Variants in HS6ST3 observed in about 807,000 individuals in gnomAD.
HS6ST3 encodes heparan-sulfate 6-O-sulfotransferase 3.
In HS6ST3, 12 loss-of-function variants were observed where a neutral mutation model predicts 36.7. The observed-to-expected ratio is 0.33, with a 90% CI of 0.21 to 0.53. The LOEUF (loss-of-function observed/expected upper bound fraction) is 0.53, where lower values mean the gene tolerates loss of function less well. Among genes scored for constraint, HS6ST3 ranks in the 20% least tolerant of loss-of-function variants. HS6ST3 has a pLI of 0.95. For synonymous variants in HS6ST3, 240 were observed against 257.5 expected, an observed-to-expected ratio of 0.93 and a Z score of 0.65; for missense variants, 584 against 640.9, an observed-to-expected ratio of 0.91 and a Z score of 0.96.
At chr13:96,789,774 C>A (rs1207959534) in intron 1 of HS6ST3, among the ~76,000 whole-genome samples, 1 of 151,512 alleles carries the variant, frequency 6.6e-6, no homozygotes, top group South Asian at 2.1e-4. Context: ...AAAAAAAAAC[C>A]CAGCCATTTC....
At chr13:96,711,300 A>G (rs1256600228) in intron 1 of HS6ST3, among the ~76,000 whole-genome samples, 1 of 152,222 alleles carries the variant, frequency 6.6e-6, no homozygotes, top group Non-Finnish European at 1.5e-5. Context: ...CCCAGCAGTC[A>G]TAGAACTATT....
intron 1 of HS6ST3, among the ~76,000 whole-genome samples, chr13:96,125,417 T>C (rs137930649): frequency 0.02 from 3,054 of 152,314 alleles, 87 homozygotes; most frequent in African/African-American, 0.068. Flanking sequence ...ATTTATTGCA[T>C]TGATCTTAAC....
Position 96,193,708 on chromosome 13 carries a change from C to G in HS6ST3, c.707+102139C>G, listed in dbSNP as rs187328283. On this transcript the variant is annotated intron_variant, in intron 1 of 1. Coordinates refer to ENST00000376705, the MANE Select transcript of HS6ST3 (RefSeq NM_153456.4). ...TAGGCTGAAAACAATAATGATCTAG[C>G]CTATGTCTTAAGAGTTGGCAGTTGC... 1.5e-3 allele frequency among the ~76,000 whole-genome samples: 235 copies of G among 152,230 alleles called. 1 individual carries two copies. The highest frequency in any genetic ancestry group is 4.4e-3 in the Admixed American group (68 of 15,282).
intron 1 of HS6ST3, among the ~76,000 whole-genome samples, chr13:96,443,566 C>T (rs1224362758): frequency 2.0e-5 from 3 of 149,032 alleles, no homozygotes; most frequent in African/African-American, 7.4e-5. Context: ...TAAAATGTAG[C>T]CTAATTTTGA....
At chr13:96,189,956 C>T (rs1281226190) in intron 1 of HS6ST3, among the ~76,000 whole-genome samples, 1 of 152,048 alleles carries the variant, frequency 6.6e-6, no homozygotes, top group East Asian at 1.9e-4. Context: ...GCAGCCCACC[C>T]CACATTGACT....
chr13:96,614,486 C>T (rs931359341), intron 1 of HS6ST3, among the ~76,000 whole-genome samples: 6 of 151,660 alleles, frequency 4.0e-5, no homozygotes, highest in African/African-American at 1.2e-4. Context: ...AAAATAGGGC[C>T]AAGGGTGTTG....
intron 1 of HS6ST3, among the ~76,000 whole-genome samples, chr13:96,346,582 AT>A (rs67559640): frequency 0.35 from 50,175 of 141,866 alleles, 9,754 homozygotes; most frequent in Non-Finnish European, 0.45. Context: ...CAAAAAAAAA[AT>A]AATAATAATA....
intron 1 of HS6ST3, among the ~76,000 whole-genome samples, chr13:96,698,947 A>G (rs549876491): frequency 6.6e-5 from 10 of 152,304 alleles, no homozygotes; most frequent in South Asian, 2.1e-4. Flanking sequence ...ATAATGCTGC[A>G]TATCTACAAC....
chr13:96,262,415 G>A lies in HS6ST3; in HGVS notation c.707+170846G>A, dbSNP rs371011184. On this transcript the variant is annotated intron_variant, in intron 1 of 1. Transcript: ENST00000376705. ...GGTGGATATTTCTGTCTTCTGTGAC[G>A]TATGTGTCTGAGGATAGCATGTGTC... is the stretch of plus-strand genomic sequence containing the variant. 1.1e-4 allele frequency among the ~76,000 whole-genome samples: 16 copies of A among 152,268 alleles called. No homozygotes were observed. In the South Asian group the frequency reaches 1.9e-3, roughly 18 times the overall value.
At chr13:96,418,788 C>G (rs2055547761) in intron 1 of HS6ST3, among the ~76,000 whole-genome samples, 1 of 152,152 alleles carries the variant, frequency 6.6e-6, no homozygotes, top group South Asian at 2.1e-4. Flanking sequence ...GTAACAGGGC[C>G]ACGCTCTCTG....
intron 1 of HS6ST3, among the ~76,000 whole-genome samples, chr13:96,568,303 G>A (rs1383962099): frequency 1.3e-5 from 2 of 152,072 alleles, no homozygotes; most frequent in African/African-American, 4.8e-5. Flanking sequence ...GTCTTGCTCT[G>A]TCACCCAGGC....
intron 1 of HS6ST3, among the ~76,000 whole-genome samples, chr13:96,291,309 G>T (rs2054828708): frequency 6.6e-6 from 1 of 152,072 alleles, no homozygotes; most frequent in African/African-American, 2.4e-5. Context: ...CAATAATAAG[G>T]CCTGGATTCT....
rs560821044 is a variant in HS6ST3 at position 96,607,327 on chromosome 13, C to T, written c.708-225163C>T. 4.6e-5 allele frequency among the ~76,000 whole-genome samples: 7 copies of T among 152,234 alleles called. No individual in the cohort carries two copies. The South Asian group carries it at 1.2e-3, about 27-fold the overall frequency. On this transcript the variant is annotated intron_variant, in intron 1 of 1. Transcript: ENST00000376705. ...GTAAGATACTCAAGGGAAAAACACA[C>T]GAGACATGGATTTTATTTCCAGAAA... is the stretch of plus-strand genomic sequence containing the variant.
intron 1 of HS6ST3, among the ~76,000 whole-genome samples, chr13:96,466,506 A>G (rs9513148): frequency 0.2 from 30,782 of 152,086 alleles, 3,374 homozygotes; most frequent in African/African-American, 0.29. Flanking sequence ...TTGGTTCCAC[A>G]TGTAACTGAA....
intron 1 of HS6ST3, among the ~76,000 whole-genome samples, chr13:96,735,298 G>A (rs75921994): frequency 6.6e-6 from 1 of 152,162 alleles, no homozygotes; most frequent in Non-Finnish European, 1.5e-5. Flanking sequence ...AAGAGTTTAT[G>A]TGTTTTGCAT....
At chr13:96,754,784 T>A (rs1016202771) in intron 1 of HS6ST3, among the ~76,000 whole-genome samples, 3 of 152,188 alleles carry the variant, frequency 2.0e-5, no homozygotes, top group African/African-American at 7.2e-5. Flanking sequence ...CTCCTTTCTT[T>A]GAGATTGTTT....
At chr13:96,386,837 G>T (rs1345500220) in intron 1 of HS6ST3, among the ~76,000 whole-genome samples, 1 of 152,232 alleles carries the variant, frequency 6.6e-6, no homozygotes, top group African/African-American at 2.4e-5. Flanking sequence ...CTGCACACCA[G>T]CCTGGTGACA....
intron 1 of HS6ST3, among the ~76,000 whole-genome samples, chr13:96,817,095 C>CTAAT (rs77457140): frequency 0.033 from 5,051 of 152,300 alleles, 97 homozygotes; most frequent in African/African-American, 0.044. Flanking sequence ...ACCTCCAGAA[C>CTAAT]TAATGGCTGT....
At chr13:96,443,012 G>A (rs11841259) in intron 1 of HS6ST3, among the ~76,000 whole-genome samples, 3,132 of 151,982 alleles carry the variant, frequency 0.021, 114 homozygotes, top group African/African-American at 0.069. Flanking sequence ...GTAAAAAATG[G>A]ATAATTCTCC....
Sources: allele counts gnomAD v4.1 joint callset (sites outside exome capture counted in the v4.1 genomes callset), GRCh38; gene constraint gnomAD v4.1.1; transcripts MANE v1.5; gene names NCBI Gene and HGNC (gene_info 2026-07-23, HGNC 2026-07-21).